Variants in TTC6 observed in about 807,000 individuals in gnomAD.
TTC6 encodes tetratricopeptide repeat protein 6.
In TTC6, 172 loss-of-function variants were observed where a neutral mutation model predicts 210.4. The ratio of observed to expected loss-of-function variants is 0.82; its 90% CI spans 0.72 to 0.93. The LOEUF is 0.93. Among genes scored for constraint, TTC6 ranks in the 40% least tolerant of loss-of-function variants. The probability of loss-of-function intolerance (pLI) is 0.00; values close to 1 mark genes in which losing one functional copy is unlikely to be tolerated. For synonymous variants in TTC6, 804 were observed against 819.6 expected, an observed-to-expected ratio of 0.98 and a Z score of 0.32; for missense variants, 2,414 against 2,318.1, an observed-to-expected ratio of 1.04 and a Z score of -0.85.
chr14:37,725,348 A>ATG (rs1555391429), intron 7 of TTC6, among the ~76,000 whole-genome samples: 6,007 of 113,030 alleles, frequency 0.053, 289 homozygotes, highest in South Asian at 0.078. Flanking sequence ...ATATATATAT[A>ATG]TATATATATA....
chr14:37,787,889 CTGTG>C (rs3062823), intron 15 of TTC6, among the ~76,000 whole-genome samples: 3,419 of 147,138 alleles, frequency 0.023, 44 homozygotes, highest in African/African-American at 0.025. Context: ...GTGTGTGTGT[CTGTG>C]TGTGTGTGTG....
chr14:37,829,006 C>T (rs116910479), intron 29 of TTC6, among the ~76,000 whole-genome samples: 1 of 152,036 alleles, frequency 6.6e-6, no homozygotes, highest in Non-Finnish European at 1.5e-5. Flanking sequence ...GAATTATAGC[C>T]TTCAGCACTA....
exon 26 of TTC6, chr14:37,817,595 A>G: frequency 4.3e-6 from 7 of 1,614,030 alleles, no homozygotes; most frequent in Non-Finnish European, 5.9e-6. Context: ...AACAAGCTGC[A>G]CTGATAAGCC....
chr14:37,682,709 A>G (rs1477293821), intron 2 of TTC6, 49 bp from the exon 5 acceptor site: 1 of 1,478,804 alleles, frequency 6.8e-7, no homozygotes, highest in Non-Finnish European at 9.1e-7. Context: ...AAAAGCCTAG[A>G]AGGACCAATA....
chr14:37,741,647 C>T (rs556483489), intron 10 of TTC6, among the ~76,000 whole-genome samples: 1 of 152,224 alleles, frequency 6.6e-6, no homozygotes, highest in Non-Finnish European at 1.5e-5. Flanking sequence ...ATTTTATGTC[C>T]AACCATAAAG....
chr14:37,712,971 T>G (rs1201352563), intron 5 of TTC6, among the ~76,000 whole-genome samples: 1 of 152,134 alleles, frequency 6.6e-6, no homozygotes, highest in Non-Finnish European at 1.5e-5. Context: ...CAGGGATGAT[T>G]CACAGAGCAT....
At chr14:37,648,050 T>C (rs1420072577) in intron 1 of TTC6, among the ~76,000 whole-genome samples, 1 of 152,184 alleles carries the variant, frequency 6.6e-6, no homozygotes. Flanking sequence ...CCCCATCTTA[T>C]AAATTTTATT....
At chr14:37,643,434 A>G (rs540025936) in intron 1 of TTC6, among the ~76,000 whole-genome samples, 2 of 152,284 alleles carry the variant, frequency 1.3e-5, no homozygotes, top group Admixed American at 6.5e-5. Context: ...GGGTGTGTCT[A>G]TGGCCTTACC....
At chr14:37,670,197 A>C (rs1446212470) in intron 1 of TTC6, among the ~76,000 whole-genome samples, 1 of 152,222 alleles carries the variant, frequency 6.6e-6, no homozygotes, top group Non-Finnish European at 1.5e-5. Flanking sequence ...AGGACAAAGA[A>C]CTATGTTCTT....
chr14:37,747,039 A>G (rs1246339679), intron 10 of TTC6, among the ~76,000 whole-genome samples: 1 of 152,218 alleles, frequency 6.6e-6, no homozygotes, highest in Non-Finnish European at 1.5e-5. Context: ...TTGGTCTGAA[A>G]GAAGTAGTCA....
At chr14:37,812,275 C>G in intron 24 of TTC6, 39 bp from the exon 27 acceptor site, 1 of 1,596,522 alleles carries the variant, frequency 6.3e-7, no homozygotes, top group Non-Finnish European at 8.5e-7. Context: ...AATTCAGGCT[C>G]TAAAAAGTTG....
chr14:37,837,824 T>C (rs1230015053), intron 29 of TTC6, among the ~76,000 whole-genome samples: 5 of 152,300 alleles, frequency 3.3e-5, no homozygotes, highest in African/African-American at 1.2e-4. Flanking sequence ...GTGCAATCAG[T>C]GTTCCATATC....
chr14:37,757,812 G>A (rs1344483429), intron 14 of TTC6, among the ~76,000 whole-genome samples: 1 of 152,002 alleles, frequency 6.6e-6, no homozygotes, highest in Non-Finnish European at 1.5e-5. Flanking sequence ...GCTTTCTCTT[G>A]TGGGCATTTA....
At chr14:37,777,918 C>A (rs1002406423) in intron 14 of TTC6, among the ~76,000 whole-genome samples, 6 of 151,960 alleles carry the variant, frequency 3.9e-5, no homozygotes, top group Non-Finnish European at 8.8e-5. Flanking sequence ...GCTGCATGTT[C>A]TAACTCTGGG....
intron 3 of TTC6, among the ~76,000 whole-genome samples, chr14:37,684,416 T>C (rs915325421): frequency 9.2e-5 from 14 of 152,158 alleles, no homozygotes; most frequent in Admixed American, 6.6e-4. Context: ...TCTTATCCTG[T>C]GGTTGGTGAC....
rs555025524 is a variant in TTC6 at position 37,622,319 on chromosome 14, C to G, written c.255C>G (p.Ser85=). 1.2e-4 allele frequency: 189 copies of G among 1,533,634 alleles called. No individual in the cohort carries two copies. In the Middle Eastern group the frequency reaches 1.5e-3, roughly 12 times the overall value. ...CTTCGCTTAAAGGCCCTGCGATGTC[C>G]GCGGCCGCCCTCCTGCAGGAGGTGC... Residue 85 remains serine (S), a synonymous_variant, in exon 1 of 31, where the codon TCC becomes TCG. Coordinates refer to ENST00000553443, the Ensembl canonical transcript of TTC6.
Position 37,769,702 on chromosome 14 carries a change from T to C in TTC6, c.3266+16467T>C, listed in dbSNP as rs1054706859. ...TTTGATTCTTCTCTCTTTTTTTCTTTATTAGTCTTGCTAGTAGTCTATCAA... is the reference window on the plus strand; with the variant it reads ...TTTGATTCTTCTCTCTTTTTTTCTTCATTAGTCTTGCTAGTAGTCTATCAA... On this transcript the variant is annotated intron_variant, in intron 14 of 30. Coordinates refer to ENST00000553443, the Ensembl canonical transcript of TTC6. 1.4e-3 allele frequency among the ~76,000 whole-genome samples: 213 copies of C among 150,336 alleles called. 1 individual carries two copies. The highest frequency in any genetic ancestry group is 5.0e-3 in the African/African-American group (206 of 41,426).
chr14:37,770,745 G>T (rs1303042560), intron 14 of TTC6, among the ~76,000 whole-genome samples: 3 of 147,552 alleles, frequency 2.0e-5, no homozygotes, highest in Non-Finnish European at 3.0e-5. Context: ...GATGGGTCTT[G>T]ACTCTTTATC....
chr14:37,723,706 G>A (rs1172912735), intron 6 of TTC6, among the ~76,000 whole-genome samples: 1 of 151,814 alleles, frequency 6.6e-6, no homozygotes, highest in Non-Finnish European at 1.5e-5. Context: ...TTTTGCCTTT[G>A]GTTTTATGTA....
Sources: gnomAD v4.1 joint callset for allele counts (sites outside exome capture counted in the v4.1 genomes callset) on GRCh38, gnomAD v4.1.1 for gene constraint, MANE v1.5 for transcripts, NCBI Gene and HGNC (gene_info 2026-07-23, HGNC 2026-07-21) for gene names.